ZDHHC24: variants seen among roughly 807,000 people sequenced by gnomAD.
The protein encoded by ZDHHC24 is zDHHC palmitoyltransferase 24, also known as probable palmitoyltransferase ZDHHC24.
ZDHHC24 carries 17 observed loss-of-function variants against 23.2 expected under a neutral mutation model. The observed-to-expected ratio is 0.73, with a 90% CI of 0.50 to 1.10. The LOEUF is 1.10. Ranked by LOEUF, ZDHHC24 falls within the 50% of genes least tolerant of loss-of-function variation. ZDHHC24 has a pLI of 0.00. For synonymous variants in ZDHHC24, 186 were observed against 194.5 expected (o/e 0.96, Z 0.36); for missense variants, 366 against 393.0 (o/e 0.93, Z 0.58).
At chr11:66,533,454 A>C (rs989801117), downstream of ZDHHC24, 1 of 152,232 alleles carries the variant, frequency 6.6e-6, no homozygotes, top group East Asian at 1.9e-4. Flanking sequence ...GTTGTCATAC[A>C]TGAGGCTTTA....
chr11:66,526,159 C>T lies in ZDHHC24; in HGVS notation c.*21+777G>A, dbSNP rs143495423. On this transcript the variant is annotated intron_variant, in intron 4 of 4. Coordinates refer to the ZDHHC24 transcript ENST00000526986. ...CAGCCTTTGCTTTGGCCGGTACGGG[C>T]GGGAGGACAACACCCTCATCATGAC... 132 of 1,614,046 alleles carry T rather than the reference C, an allele frequency of 8.2e-5. 1 individual carries two copies. The South Asian group carries it at 1.1e-3, about 14-fold the overall frequency.
chr11:66,533,484 C>T (rs1856863188), downstream of ZDHHC24: 1 of 152,164 alleles, frequency 6.6e-6, no homozygotes, highest in South Asian at 2.1e-4. Flanking sequence ...TGTCAGCAAC[C>T]CTCCCCCATC....
chr11:66,540,071 G>A lies in ZDHHC24; in HGVS notation c.560-247C>T, dbSNP rs1056793872. Reference sequence around the variant, plus strand: ...TGAGCACCTCCTCAGCCCTGGAGGCGGTGCCAGGCACTAGAGGGTGTCTCT... The same window carrying A: ...TGAGCACCTCCTCAGCCCTGGAGGCAGTGCCAGGCACTAGAGGGTGTCTCT... On this transcript the variant is annotated intron_variant, in intron 2 of 2. Coordinates refer to ENST00000310442, the MANE Select transcript of ZDHHC24 (RefSeq NM_207340.3). Among the ~76,000 whole-genome samples, 10 of 152,296 alleles carry A rather than the reference G, an allele frequency of 6.6e-5. No homozygotes were observed. In the South Asian group the frequency reaches 1.0e-3, roughly 16 times the overall value.
chr11:66,543,568 TGCCCTTACTG>T, intron 2 of ZDHHC24, 126 bp downstream of exon 2: 1 of 1,143,584 alleles, frequency 8.7e-7, no homozygotes, highest in Non-Finnish European at 1.2e-6. Flanking sequence ...AATACCAAGC[TGCCCTTACTG>T]GCCATCACTG....
chr11:66,526,249 G>C (rs1360909562), intron 4 of ZDHHC24: 1 of 1,528,950 alleles, frequency 6.5e-7, no homozygotes. Context: ...GGACAGGCCT[G>C]CTTCTGGGGA....
Position 66,540,146 on chromosome 11 carries a change from G to A in ZDHHC24, c.560-322C>T, listed in dbSNP as rs1404712066. On this transcript the variant is annotated intron_variant, in intron 2 of 2. Transcript: ENST00000310442. ...AAAGAGGCCATTCTTGGCTGGATGC[G>A]GTGGCTCACACCTGTAATCCCAGCA... 9.2e-5 allele frequency among the ~76,000 whole-genome samples: 14 copies of A among 152,110 alleles called. No homozygotes were observed. In the East Asian group the frequency reaches 1.3e-3, roughly 15 times the overall value.
chr11:66,525,363 CAAAA>C (rs1253574957), intron 4 of ZDHHC24, among the ~76,000 whole-genome samples: 1 of 150,700 alleles, frequency 6.6e-6, no homozygotes, highest in Non-Finnish European at 1.5e-5. Context: ...TGTCTCAAAA[CAAAA>C]AAACAAAACA....
intron 4 of ZDHHC24, chr11:66,526,658 T>C: frequency 6.2e-7 from 1 of 1,614,228 alleles, no homozygotes. Flanking sequence ...GGTGGTGGCC[T>C]GATCATCAAG....
At chr11:66,521,904 CA>C (rs1183524219) in intron 4 of ZDHHC24, among the ~76,000 whole-genome samples, 1,798 of 36,492 alleles carry the variant, frequency 0.049, 5 homozygotes, top group African/African-American at 0.063. Flanking sequence ...GACTCCGTCT[CA>C]AAAAAAAAAA....
chr11:66,545,996 T>C lies in ZDHHC24; in HGVS notation c.8A>G (p.Gln3Arg). 7.1e-7 allele frequency: 1 copy of C among 1,404,056 alleles called. No homozygotes were observed. Among genetic ancestry groups the C allele is most frequent in the Non-Finnish European group, 9.2e-7 (1 of 1,091,994 alleles). The allele number at this position is 1,404,056 out of a possible 1,614,324, so 87.0% of individuals were successfully genotyped here. ...GTCCGTGCTCCCAGCCGCCCAGGGC[T>C]GCCCCATGGCCTGGACACCCAGCTG... MG[Q>R]PWAAGSTDGA... The change falls in exon 1 of 3, where the codon CAG becomes CGG. Residue 3 changes from glutamine to arginine, a missense_variant. Gln to Arg is a conservative substitution (Grantham distance 43, BLOSUM62 1). Coordinates refer to ENST00000310442, the MANE Select transcript of ZDHHC24 (RefSeq NM_207340.3). This position sits in a 1 kb window ranked among gnomAD's most constrained non-coding sequence, Gnocchi z 4.5.
At chr11:66,530,974 G>T (rs760568652), downstream of ZDHHC24, 5 of 1,614,090 alleles carry the variant, frequency 3.1e-6, no homozygotes, top group Non-Finnish European at 1.7e-6. Context: ...TGGGGCTGCT[G>T]GTCTGCTTCC....
chr11:66,530,002 G>GA (rs765532422), intron 2 of ZDHHC24: 26 of 1,563,954 alleles, frequency 1.7e-5, no homozygotes, highest in Non-Finnish European at 2.2e-5. Context: ...CAGAGGCCAG[G>GA]ATGCGCAGGA....
At chr11:66,532,101 C>A, downstream of ZDHHC24, 1 of 1,494,092 alleles carries the variant, frequency 6.7e-7, no homozygotes, top group Non-Finnish European at 9.1e-7. Context: ...GTTTAGTGGC[C>A]CCAGGCCCAC....
chr11:66,531,179 A>C (rs1471353253), downstream of ZDHHC24: 2 of 1,158,108 alleles, frequency 1.7e-6, no homozygotes, highest in Non-Finnish European at 2.5e-6. Flanking sequence ...AGACCAGGCC[A>C]AGGCCCCAGT....
Position 66,537,764 on chromosome 11 carries a change from TA to T in ZDHHC24, c.*1764del, listed in dbSNP as rs1469465524. On this transcript the variant is annotated 3_prime_UTR_variant, in exon 3 of 3. Coordinates refer to ENST00000310442, the MANE Select transcript of ZDHHC24 (RefSeq NM_207340.3). ...TAACACGGTGAAACCTCGTCTCTACTAAAAATACAAAAAATTAGCTTGGCGT... is the reference window on the plus strand; with the variant it reads ...TAACACGGTGAAACCTCGTCTCTACTAAAATACAAAAAATTAGCTTGGCGT... 1.4e-5 allele frequency: 2 copies of T among 146,674 alleles called. No individual in the cohort carries two copies. The highest frequency in any genetic ancestry group is 4.9e-5 in the African/African-American group (2 of 40,768). 9.1% of individuals were successfully genotyped at this position (146,674 alleles called of 1,614,324 possible). A position where few individuals can be genotyped will look rare whatever the true frequency, so the allele number is the denominator to read the frequency against.
At chr11:66,535,021 T>A (rs1427371616), downstream of ZDHHC24, among the ~76,000 whole-genome samples, 1 of 152,136 alleles carries the variant, frequency 6.6e-6, no homozygotes, top group Non-Finnish European at 1.5e-5. Context: ...GACTCCCGAG[T>A]AGCTGGGATT....
Position 66,536,062 on chromosome 11 carries a change from A to C in ZDHHC24, c.*3467T>G, listed in dbSNP as rs1856954656. 1 of 152,306 alleles carries C rather than the reference A, an allele frequency of 6.6e-6. No homozygotes were observed. The highest frequency in any genetic ancestry group is 2.4e-5 in the African/African-American group (1 of 41,462). The allele number at this position is 152,306 out of a possible 1,614,324, so 9.4% of individuals were successfully genotyped here. ...CATGATTTCATTCATATATTTGAAA[A>C]CATGCAAAGCCAACACAAACACATT... On this transcript the variant is annotated 3_prime_UTR_variant, in exon 3 of 3. Coordinates refer to ENST00000310442, the MANE Select transcript of ZDHHC24 (RefSeq NM_207340.3).
downstream of ZDHHC24, chr11:66,531,748 C>T: frequency 6.2e-7 from 1 of 1,614,034 alleles, no homozygotes; most frequent in Non-Finnish European, 8.5e-7. Flanking sequence ...TCAAGGTAGG[C>T]CCCGCACTTG....
chr11:66,534,484 CAAAAG>C (rs1452023469), downstream of ZDHHC24, among the ~76,000 whole-genome samples: 1 of 126,816 alleles, frequency 7.9e-6, no homozygotes, highest in Admixed American at 7.8e-5. Context: ...AACTCTGTCT[CAAAAG>C]AAAAGAAAAA....
Sources: allele counts gnomAD v4.1 joint callset (sites outside exome capture counted in the v4.1 genomes callset), GRCh38; gene constraint gnomAD v4.1.1; non-coding constraint Gnocchi (gnomAD v3.1); transcripts MANE v1.5; gene names NCBI Gene and HGNC (gene_info 2026-07-23, HGNC 2026-07-21).